Variants in RHPN2 observed in about 807,000 individuals in gnomAD.
The protein encoded by RHPN2 is rhophilin Rho GTPase binding protein 2, also known as rhophilin-2.
Under a neutral mutation model 79.0 loss-of-function variants are expected in RHPN2, and 40 were observed. The observed-to-expected ratio is 0.51, with a 90% CI of 0.39 to 0.66. The LOEUF is 0.66. Among genes scored for constraint, RHPN2 ranks in the 30% least tolerant of loss-of-function variants. RHPN2 has a pLI of 0.00. For synonymous variants in RHPN2, 285 were observed against 363.5 expected (o/e 0.78, Z 2.46); for missense variants, 686 against 883.5 (o/e 0.78, Z 2.83).
At chr19:33,021,768 A>C in intron 3 of RHPN2, 122 bp from the exon 4 acceptor site, 3 of 726,490 alleles carry the variant, frequency 4.1e-6, no homozygotes, top group East Asian at 2.8e-5. Context: ...TCCTGTACTC[A>C]CCTGGCTGAC....
chr19:33,064,753 G>T (rs1460495684), intron 1 of RHPN2, 31 bp downstream of exon 1: 1 of 1,504,154 alleles, frequency 6.6e-7, no homozygotes, highest in Admixed American at 2.0e-5. Flanking sequence ...GGAGCCCGCA[G>T]GTCCCCGCCC....
At chr19:33,043,972 G>A (rs57160431) in intron 2 of RHPN2, among the ~76,000 whole-genome samples, 20,936 of 152,068 alleles carry the variant, frequency 0.14, 1,845 homozygotes, top group East Asian at 0.31. Context: ...AACAAACCTC[G>A]AGACAAAAAT....
At chr19:33,037,201 C>T (rs902857879) in intron 2 of RHPN2, among the ~76,000 whole-genome samples, 2 of 152,180 alleles carry the variant, frequency 1.3e-5, no homozygotes, top group Admixed American at 1.3e-4. Flanking sequence ...TTTGTGAATG[C>T]ACCAATCAAC....
At chr19:33,008,663 A>T (rs1599816118) in intron 6 of RHPN2, among the ~76,000 whole-genome samples, 1 of 152,132 alleles carries the variant, frequency 6.6e-6, no homozygotes. Context: ...TCAGCTACTC[A>T]GGAGGCTGAG....
intron 3 of RHPN2, 101 bp downstream of exon 3, chr19:33,026,403 A>C (rs1452266739): frequency 3.4e-6 from 5 of 1,485,398 alleles, no homozygotes; most frequent in Middle Eastern, 4.2e-4. Flanking sequence ...GGGCTGCCAC[A>C]CCCCAGTCTA....
chr19:33,034,050 G>T (rs968291399), intron 2 of RHPN2, among the ~76,000 whole-genome samples: 1 of 123,584 alleles, frequency 8.1e-6, no homozygotes, highest in African/African-American at 3.7e-5. Context: ...AGAGTCAGGG[G>T]TCTAAACATA....
chr19:33,020,803 T>C (rs555395638), intron 4 of RHPN2, among the ~76,000 whole-genome samples: 1 of 152,336 alleles, frequency 6.6e-6, no homozygotes, highest in East Asian at 1.9e-4. Flanking sequence ...GCCCGGCCTT[T>C]AGCCATTACT....
intron 7 of RHPN2, among the ~76,000 whole-genome samples, chr19:33,007,556 G>C (rs1221755417): frequency 2.0e-5 from 3 of 151,776 alleles, no homozygotes; most frequent in Non-Finnish European, 4.4e-5. Flanking sequence ...GCACTGATAA[G>C]GTACACCTAA....
At chr19:33,049,174 C>T (rs116809874) in intron 1 of RHPN2, among the ~76,000 whole-genome samples, 13 of 152,226 alleles carry the variant, frequency 8.5e-5, no homozygotes, top group South Asian at 4.2e-4. Context: ...GAAACACCCA[C>T]GGGGCTGTGT....
At position 33,037,600 on chromosome 19, in the gene RHPN2, C is replaced by T. The variant is rs539088519; in HGVS notation, c.185+6649G>A. Among the ~76,000 whole-genome samples the T allele has an allele frequency of 1.2e-4, 19 of 152,200 alleles. No individual in the cohort carries two copies. The South Asian group carries it at 1.9e-3, about 15-fold the overall frequency. ...GAAGCCAGCGAGACCACAAACCCAC[C>T]GGGAGGAAGGAACAACTCCAGACGA... is the stretch of plus-strand genomic sequence containing the variant. On this transcript the variant is annotated intron_variant, in intron 2 of 14. Transcript: ENST00000254260.
intron 2 of RHPN2, among the ~76,000 whole-genome samples, chr19:33,034,148 G>A (rs527947660): frequency 2.0e-5 from 3 of 151,324 alleles, no homozygotes; most frequent in African/African-American, 2.4e-5. Flanking sequence ...GTGAGCCATC[G>A]CGCCCGGCCT....
intron 7 of RHPN2, 24 bp from the exon 8 acceptor site, chr19:33,003,024 C>T: frequency 1.9e-6 from 3 of 1,609,064 alleles, no homozygotes; most frequent in Non-Finnish European, 2.5e-6. Context: ...ATGTTTTGCC[C>T]ATTAGTTCGG....
intron 3 of RHPN2, among the ~76,000 whole-genome samples, chr19:33,023,454 A>G (rs1486712822): frequency 7.6e-6 from 1 of 130,990 alleles, no homozygotes; most frequent in Admixed American, 7.3e-5. Flanking sequence ...AAAAAAAAAG[A>G]AAAAAAAAAG....
At chr19:33,008,593 A>G (rs1224212393) in intron 6 of RHPN2, among the ~76,000 whole-genome samples, 3 of 152,008 alleles carry the variant, frequency 2.0e-5, no homozygotes, top group Non-Finnish European at 4.4e-5. Flanking sequence ...AACATGGTGA[A>G]ACCCAGTCTC....
intron 4 of RHPN2, among the ~76,000 whole-genome samples, chr19:33,015,629 A>AACTGAAACATTACT (rs1971871852): frequency 6.6e-6 from 1 of 152,230 alleles, no homozygotes; most frequent in African/African-American, 2.4e-5. Context: ...CAATAGCATC[A>AACTGAAACATTACT]ACTGAAACAT....
At chr19:32,984,485 C>G (rs1474057791) in intron 14 of RHPN2, among the ~76,000 whole-genome samples, 1 of 152,028 alleles carries the variant, frequency 6.6e-6, no homozygotes, top group Admixed American at 6.6e-5. Flanking sequence ...ATGGTGAAAC[C>G]CCATCTCTAC....
At chr19:33,022,377 C>T (rs1971931932) in intron 3 of RHPN2, among the ~76,000 whole-genome samples, 1 of 152,176 alleles carries the variant, frequency 6.6e-6, no homozygotes, top group South Asian at 2.1e-4. Context: ...TCACCCCCAC[C>T]TCCTCTGCCC....
intron 7 of RHPN2, among the ~76,000 whole-genome samples, chr19:33,005,265 T>C (rs1172730678): frequency 6.6e-6 from 1 of 151,236 alleles, no homozygotes; most frequent in Non-Finnish European, 1.5e-5. Context: ...AATACAAAAT[T>C]AGCCAGGTGT....
At chr19:33,013,131 C>A (rs1665337824) in intron 4 of RHPN2, among the ~76,000 whole-genome samples, 1 of 151,740 alleles carries the variant, frequency 6.6e-6, no homozygotes, top group East Asian at 1.9e-4. Flanking sequence ...CCACCTCGCC[C>A]TCCCAAAGTG....
Sources: gnomAD v4.1 joint callset for allele counts (sites outside exome capture counted in the v4.1 genomes callset) on GRCh38, gnomAD v4.1.1 for gene constraint, MANE v1.5 for transcripts, NCBI Gene and HGNC (gene_info 2026-07-23, HGNC 2026-07-21) for gene names.